The following ZNF385D variants were observed in gnomAD, a reference collection of about 807,000 sequenced individuals.
The protein encoded by ZNF385D is zinc finger protein 659.
ZNF385D carries 15 observed loss-of-function variants against 35.8 expected under a neutral mutation model. The observed-to-expected ratio is 0.42, with a 90% confidence interval of 0.28 to 0.64. The LOEUF is 0.64. Among genes scored for constraint, ZNF385D ranks in the 30% least tolerant of loss-of-function variants. ZNF385D has a pLI of 0.23. For missense variants in ZNF385D, 474 were observed against 494.6 expected (o/e 0.96, Z 0.39); for synonymous variants, 212 against 186.8 (o/e 1.13, Z -1.10).
At chr3:21,727,721 A>T (rs1216976721) in intron 1 of ZNF385D, among the ~76,000 whole-genome samples, 1 of 152,292 alleles carries the variant, frequency 6.6e-6, no homozygotes, top group South Asian at 2.1e-4. Flanking sequence ...TGGTGGGAGT[A>T]TAAATTAGTT....
intron 3 of ZNF385D, among the ~76,000 whole-genome samples, chr3:22,011,304 T>A (rs113898898): frequency 6.6e-6 from 1 of 152,126 alleles, no homozygotes; most frequent in Non-Finnish European, 1.5e-5. Context: ...AGTATTCTTA[T>A]TTTAGAAAAA....
rs139599101 is a variant in ZNF385D, at chr3:21,844,023, G to C, written c.326-178995C>G. Among the ~76,000 whole-genome samples, 3 of 152,020 alleles carry C rather than the reference G, an allele frequency of 2.0e-5. No individual in the cohort carries two copies. The East Asian group carries it at 5.8e-4, about 30-fold the overall frequency. On this transcript the variant is annotated intron_variant, in intron 3 of 5. Coordinates refer to the ZNF385D transcript ENST00000494108. ...CAAGTAATGCGTCACACAAAAAGTA[G>C]AAAGTCTTGTTCTAGGAATTGTGTT...
intron 3 of ZNF385D, among the ~76,000 whole-genome samples, chr3:21,522,155 A>ATGTT (rs1382242245): frequency 5.9e-5 from 9 of 152,176 alleles, no homozygotes; most frequent in Admixed American, 5.2e-4. Context: ...AAAGAAAAAA[A>ATGTT]TGTTTTTAAT....
At chr3:22,100,734 G>C (rs1281565807) in intron 3 of ZNF385D, among the ~76,000 whole-genome samples, 1 of 151,618 alleles carries the variant, frequency 6.6e-6, no homozygotes. Flanking sequence ...CCTAATGCTA[G>C]ATGACGAGTT....
intron 2 of ZNF385D, among the ~76,000 whole-genome samples, chr3:21,602,014 A>C (rs186207045): frequency 6.6e-6 from 1 of 152,202 alleles, no homozygotes; most frequent in Admixed American, 6.5e-5. Context: ...ATAAAGAAAA[A>C]GGTGTAATTG....
intron 3 of ZNF385D, among the ~76,000 whole-genome samples, chr3:22,073,860 A>G (rs963587556): frequency 6.6e-6 from 1 of 152,008 alleles, no homozygotes; most frequent in African/African-American, 2.4e-5. Flanking sequence ...TTTCTCTTTT[A>G]TAAAACAGCC....
rs372660813 is a variant in ZNF385D at position 21,723,898 on chromosome 3, G to C, written c.22+26997C>G. Among the ~76,000 whole-genome samples the C allele has an allele frequency of 2.6e-5, 4 of 152,154 alleles. No individual in the cohort carries two copies. The East Asian group carries it at 7.7e-4, about 29-fold the overall frequency. On this transcript the variant is annotated intron_variant, in intron 1 of 7. Coordinates refer to ENST00000281523, the MANE Select transcript of ZNF385D (RefSeq NM_024697.3). ...GGAAAAAATGTTAAGGGCAGCCAGA[G>C]AGAAAGGTCAGGTTACCCACAAAGG...
At chr3:21,766,039 G>A (rs1398351271) in intron 3 of ZNF385D, among the ~76,000 whole-genome samples, 1 of 152,054 alleles carries the variant, frequency 6.6e-6, no homozygotes, top group Non-Finnish European at 1.5e-5. Context: ...TAGCAGCATT[G>A]TGAAGAAAGG....
At chr3:22,146,596 GA>G (rs1185966214) in intron 3 of ZNF385D, among the ~76,000 whole-genome samples, 1 of 152,038 alleles carries the variant, frequency 6.6e-6, no homozygotes, top group African/African-American at 2.4e-5. Flanking sequence ...TAAACTCCAT[GA>G]AGGCAAAGAT....
At chr3:22,291,581 A>T (rs1048342292) in intron 2 of ZNF385D, among the ~76,000 whole-genome samples, 6 of 152,166 alleles carry the variant, frequency 3.9e-5, no homozygotes, top group African/African-American at 1.4e-4. Flanking sequence ...TTTGCAAACA[A>T]TGATAGTTTT....
intron 3 of ZNF385D, among the ~76,000 whole-genome samples, chr3:22,005,244 A>T (rs981045112): frequency 2.6e-5 from 4 of 152,024 alleles, no homozygotes; most frequent in Non-Finnish European, 5.9e-5. Context: ...ATAGCATCTT[A>T]TCCTAGTTAG....
intron 2 of ZNF385D, among the ~76,000 whole-genome samples, chr3:22,194,508 C>G (rs1696273497): frequency 6.6e-6 from 1 of 151,526 alleles, no homozygotes; most frequent in Non-Finnish European, 1.5e-5. Flanking sequence ...TTCTTTAATC[C>G]ACTGCTTTTA....
intron 2 of ZNF385D, among the ~76,000 whole-genome samples, chr3:22,306,110 G>T (rs190188679): frequency 6.6e-6 from 1 of 152,022 alleles, no homozygotes; most frequent in African/African-American, 2.4e-5. Context: ...ATTCTCTTTC[G>T]TATTTTCTTC....
chr3:21,996,413 C>T (rs1404021930), intron 3 of ZNF385D, among the ~76,000 whole-genome samples: 1 of 152,166 alleles, frequency 6.6e-6, no homozygotes, highest in Non-Finnish European at 1.5e-5. Context: ...CCTGTCACTC[C>T]TCGGCTAAAT....
At chr3:22,166,810 T>C (rs1201914284) in intron 3 of ZNF385D, among the ~76,000 whole-genome samples, 1 of 152,224 alleles carries the variant, frequency 6.6e-6, no homozygotes, top group Non-Finnish European at 1.5e-5. Flanking sequence ...TAATGTTGTT[T>C]ATTACTTCTC....
intron 3 of ZNF385D, among the ~76,000 whole-genome samples, chr3:21,998,112 G>A (rs775880868): frequency 2.6e-5 from 4 of 151,964 alleles, no homozygotes; most frequent in Admixed American, 6.6e-5. Flanking sequence ...ATGCCATGAC[G>A]GTGCCTGGAA....
At chr3:22,063,255 T>C (rs1699777467) in intron 3 of ZNF385D, among the ~76,000 whole-genome samples, 1 of 152,194 alleles carries the variant, frequency 6.6e-6, no homozygotes, top group Admixed American at 6.6e-5. Flanking sequence ...AAACAATTTA[T>C]TGTAGTGAAA....
At chr3:21,861,347 G>T (rs1157208763) in intron 3 of ZNF385D, among the ~76,000 whole-genome samples, 1 of 152,090 alleles carries the variant, frequency 6.6e-6, no homozygotes, top group Non-Finnish European at 1.5e-5. Flanking sequence ...TTATTTAGGG[G>T]CATCCATTGT....
intron 2 of ZNF385D, among the ~76,000 whole-genome samples, chr3:22,235,424 G>C (rs939331632): frequency 6.6e-6 from 1 of 152,040 alleles, no homozygotes. Flanking sequence ...TTAACAGGAC[G>C]AAACACTCAG....
Sources: allele counts gnomAD v4.1 joint callset (sites outside exome capture counted in the v4.1 genomes callset), GRCh38; gene constraint gnomAD v4.1.1; transcripts MANE v1.5; gene names NCBI Gene and HGNC (gene_info 2026-07-23, HGNC 2026-07-21).